The following SRCIN1 variants were observed in gnomAD, a reference collection of about 807,000 sequenced individuals.
SRCIN1 encodes SRC kinase signaling inhibitor 1, also known as P130Cas-associated protein.
SRCIN1 carries 50 observed loss-of-function variants against 116.2 expected under a neutral mutation model. The ratio of observed to expected loss-of-function variants is 0.43; its 90% CI spans 0.34 to 0.54. The LOEUF is 0.54. Ranked by LOEUF, SRCIN1 falls within the 20% of genes least tolerant of loss-of-function variation. The probability of loss-of-function intolerance (pLI) is 0.02; values close to 1 mark genes in which losing one functional copy is unlikely to be tolerated. For missense variants in SRCIN1, 1,446 were observed against 1,672.0 expected (o/e 0.86, Z 2.36); for synonymous variants, 736 against 750.0 (o/e 0.98, Z 0.30).
chr17:38,543,070 G>C, intron 18 of SRCIN1: 1 of 456,674 alleles, frequency 2.2e-6, no homozygotes, highest in South Asian at 1.5e-5. Context: ...CAGGCCACAA[G>C]GGCAGTAAAC....
At chr17:38,578,431 C>T (rs1907552823) in intron 2 of SRCIN1, 59 bp downstream of exon 2, 2 of 1,512,922 alleles carry the variant, frequency 1.3e-6, no homozygotes, top group Middle Eastern at 2.0e-4. Context: ...GGGGTCAGAC[C>T]TCCTCCCCTG....
intron 18 of SRCIN1, among the ~76,000 whole-genome samples, chr17:38,533,940 G>A (rs1179573890): frequency 6.6e-6 from 1 of 151,950 alleles, no homozygotes; most frequent in Non-Finnish European, 1.5e-5. Context: ...TATCCTCCCA[G>A]GGGGGAATAA....
intron 1 of SRCIN1, among the ~76,000 whole-genome samples, chr17:38,595,552 T>C (rs1167833706): frequency 6.6e-6 from 1 of 152,210 alleles, no homozygotes; most frequent in Admixed American, 6.5e-5. Flanking sequence ...GATGAATAGA[T>C]AAACAAGCAA....
chr17:38,548,332 T>C (rs1312106358), intron 17 of SRCIN1, among the ~76,000 whole-genome samples: 1 of 152,118 alleles, frequency 6.6e-6, no homozygotes, highest in Non-Finnish European at 1.5e-5. Context: ...TCAGAGACTA[T>C]AGTTAAAAAA....
At position 38,547,238 on chromosome 17, in the gene SRCIN1, T is replaced by C. The variant is rs75286487; in HGVS notation, c.3270+1319A>G. ...AGACGAGCCTACCCCTGTGGTGTCC[T>C]GGCCCCCAGCGCAAGGCATAGATTC... On this transcript the variant is annotated intron_variant, in intron 17 of 18. Transcript: ENST00000617146. 4.3e-3 allele frequency among the ~76,000 whole-genome samples: 652 copies of C among 152,282 alleles called. 2 individuals are homozygous for C. The highest frequency in any genetic ancestry group is 0.015 in the African/African-American group (621 of 41,566).
At chr17:38,597,899 G>A (rs990072313) in intron 1 of SRCIN1, among the ~76,000 whole-genome samples, 10 of 152,158 alleles carry the variant, frequency 6.6e-5, no homozygotes, top group Admixed American at 1.3e-4. Context: ...GGACCAGGAG[G>A]GGGTGAGCCA....
In SRCIN1 at chr17:38,549,052, G is replaced by A. The variant is rs1905234590; in HGVS notation, c.3117+4C>T. 1.9e-6 allele frequency: 3 copies of A among 1,613,090 alleles called. No homozygotes were observed. Among genetic ancestry groups the A allele is most frequent in the Admixed American group, 3.3e-5 (2 of 59,950 alleles). On this transcript the variant is annotated splice_donor_region_variant and intron_variant, in intron 16 of 18. Transcript: ENST00000617146. The stretch of plus-strand genomic sequence containing the variant: ...TGGCCCTCTGTCTGAGGTGGGAGTG[G>A]TACCTTGATGAAGGCCGAGTCCTTC...
intron 3 of SRCIN1, 48 bp from the exon 4 acceptor site, chr17:38,564,361 C>CCCCTTTGCTTG: frequency 8.3e-7 from 1 of 1,205,006 alleles, no homozygotes; most frequent in Non-Finnish European, 1.1e-6. Flanking sequence ...AGCACCCCCC[C>CCCCTTTGCTTG]TCCCCTTTGC....
chr17:38,566,860 G>A, intron 3 of SRCIN1, among the ~76,000 whole-genome samples: 1 of 59,976 alleles, frequency 1.7e-5, no homozygotes, highest in East Asian at 7.8e-4. Flanking sequence ...GTTTTGTTTT[G>A]TTTCGTTTCC....
At chr17:38,567,203 C>A (rs759409648) in intron 3 of SRCIN1, among the ~76,000 whole-genome samples, 4 of 152,236 alleles carry the variant, frequency 2.6e-5, no homozygotes, top group African/African-American at 9.6e-5. Context: ...GCACATCCGG[C>A]CTTTTTTCCC....
At chr17:38,566,834 T>C (rs7210673) in intron 3 of SRCIN1, among the ~76,000 whole-genome samples, 54,270 of 151,800 alleles carry the variant, frequency 0.36, 14,017 homozygotes, top group African/African-American at 0.74. Flanking sequence ...ACATGCATCC[T>C]CTCGTGTTTT....
chr17:38,555,618 G>T (rs1402105070), intron 11 of SRCIN1, among the ~76,000 whole-genome samples: 1 of 152,200 alleles, frequency 6.6e-6, no homozygotes, highest in Non-Finnish European at 1.5e-5. Flanking sequence ...TATTCAAAGA[G>T]ATTAACTAGT....
intron 1 of SRCIN1, among the ~76,000 whole-genome samples, chr17:38,592,907 G>C (rs1401494386): frequency 1.3e-5 from 2 of 152,218 alleles, no homozygotes; most frequent in East Asian, 3.9e-4. Flanking sequence ...AGTGAGGTAA[G>C]GAAGGGAGGG....
intron 1 of SRCIN1, among the ~76,000 whole-genome samples, chr17:38,583,796 G>A (rs531895412): frequency 7.2e-5 from 11 of 152,018 alleles, no homozygotes; most frequent in East Asian, 1.9e-4. Context: ...CAGGTGATCC[G>A]CCCGCCTCGG....
intron 7 of SRCIN1, 45 bp downstream of exon 7, chr17:38,561,418 G>T: frequency 6.9e-7 from 1 of 1,451,902 alleles, no homozygotes; most frequent in South Asian, 1.4e-5. Context: ...TCTCCGCAGC[G>T]CACCCCCCAC....
intron 1 of SRCIN1, among the ~76,000 whole-genome samples, chr17:38,599,833 T>TG (rs1369335709): frequency 6.6e-6 from 1 of 152,136 alleles, no homozygotes; most frequent in Non-Finnish European, 1.5e-5. Context: ...AGCCTGGGTA[T>TG]GGGGGAAACA....
At position 38,532,580 on chromosome 17, in the gene SRCIN1, C is replaced by T. The variant is rs2040936675; in HGVS notation, c.*717G>A. The T allele has an allele frequency of 6.6e-6, 1 of 152,450 alleles. No individual in the cohort carries two copies. The highest frequency in any genetic ancestry group is 1.5e-5 in the Non-Finnish European group (1 of 68,136). 9.4% of individuals were successfully genotyped at this position (152,450 alleles called of 1,614,324 possible). On this transcript the variant is annotated 3_prime_UTR_variant, in exon 19 of 19. Coordinates refer to ENST00000617146, the MANE Select transcript of SRCIN1 (RefSeq NM_025248.3). This position sits in a 1 kb window ranked among gnomAD's most constrained non-coding sequence, Gnocchi z 4.3. ...ACGGCAAGGCCCAGGAGGCCAGCGC[C>T]TCCCCAGGGATACAGACTCCATGGC... is the stretch of plus-strand genomic sequence containing the variant.
intron 2 of SRCIN1, among the ~76,000 whole-genome samples, chr17:38,576,496 C>T (rs1246366754): frequency 6.6e-6 from 1 of 151,998 alleles, no homozygotes; most frequent in Non-Finnish European, 1.5e-5. Context: ...TCTTAGACCC[C>T]ACTGTGCCCT....
Position 38,552,609 on chromosome 17 carries a change from A to G in SRCIN1, c.2333-15T>C, listed in dbSNP as rs763080946. 5 of 1,612,700 alleles carry G rather than the reference A, an allele frequency of 3.1e-6. No homozygotes were observed. The highest frequency in any genetic ancestry group is 1.6e-4 in the Middle Eastern group (1 of 6,062). ...CGGGAAGTGAGCTGAGGAGACAGGAAGGCATGAGCTGGGGCCAGAGGGAGC... is the reference window on the plus strand; with the variant it reads ...CGGGAAGTGAGCTGAGGAGACAGGAGGGCATGAGCTGGGGCCAGAGGGAGC... On this transcript the variant is annotated splice_polypyrimidine_tract_variant and intron_variant, in intron 12 of 18. Coordinates refer to ENST00000617146, the MANE Select transcript of SRCIN1 (RefSeq NM_025248.3). This position sits in a 1 kb window ranked among gnomAD's most constrained non-coding sequence, Gnocchi z 5.3.
Sources: gnomAD v4.1 joint callset for allele counts (sites outside exome capture counted in the v4.1 genomes callset) on GRCh38, gnomAD v4.1.1 for gene constraint, Gnocchi (gnomAD v3.1) non-coding constraint, MANE v1.5 for transcripts, NCBI Gene and HGNC (gene_info 2026-07-23, HGNC 2026-07-21) for gene names.